Variants in CPSF7 observed in about 807,000 individuals in gnomAD.
The protein encoded by CPSF7 is cleavage and polyadenylation specific factor 7.
Under a neutral mutation model 44.3 loss-of-function variants are expected in CPSF7, and 1 was observed. The ratio of observed to expected loss-of-function variants is 0.02; its 90% CI spans 0.01 to 0.11. The LOEUF is 0.11. Ranked by LOEUF, CPSF7 falls within the 10% of genes least tolerant of loss-of-function variation. The pLI is 1.00. For synonymous variants in CPSF7, 202 were observed against 222.0 expected (o/e 0.91, Z 0.80); for missense variants, 443 against 607.2 (o/e 0.73, Z 2.84).
intron 2 of CPSF7, among the ~76,000 whole-genome samples, chr11:61,422,585 G>C (rs1414185449): frequency 6.6e-6 from 1 of 152,128 alleles, no homozygotes; most frequent in South Asian, 2.1e-4. Flanking sequence ...CCAAAGTGCC[G>C]GGATTACAGG....
intron 7 of CPSF7, among the ~76,000 whole-genome samples, chr11:61,412,197 A>G (rs922056849): frequency 1.3e-5 from 2 of 152,102 alleles, no homozygotes; most frequent in Non-Finnish European, 2.9e-5. Flanking sequence ...AAAATAAACA[A>G]TGTGCATATT....
intron 2 of CPSF7, chr11:61,426,728 T>C (rs1038038744): frequency 2.6e-5 from 4 of 152,136 alleles, no homozygotes; most frequent in Non-Finnish European, 4.4e-5. Context: ...GGAAAAGCTT[T>C]TCATTAATAA....
Position 61,419,955 on chromosome 11 carries a change from G to C in CPSF7, c.517C>G (p.Arg173Gly). ...QNLSQFEAQA[R>G]KRIPPRAHSR... ...GGGACTCGGACACACTCACGTTTCCGAGCCTGTGCCTCAAACTGTGACAGG... is the reference window on the plus strand; with the variant it reads ...GGGACTCGGACACACTCACGTTTCCCAGCCTGTGCCTCAAACTGTGACAGG... Residue 173 changes from arginine (R) to glycine (G), a missense_variant, in exon 5 of 10, where the codon CGG becomes GGG. By Grantham distance (125) the Arg-to-Gly change is moderately radical. Transcript: ENST00000439958. 1 of 1,613,410 alleles carries C rather than the reference G, an allele frequency of 6.2e-7. No homozygotes were observed. Among genetic ancestry groups the C allele is most frequent in the Non-Finnish European group, 8.5e-7 (1 of 1,179,876 alleles).
At chr11:61,428,998 A>T (rs1861662285) in intron 2 of CPSF7, 184 bp downstream of exon 2, 1 of 448,082 alleles carries the variant, frequency 2.2e-6, no homozygotes, top group Non-Finnish European at 4.0e-6. Flanking sequence ...TTAAGCCTGG[A>T]GCTTCAAATT....
At chr11:61,428,733 G>C (rs372932449) in intron 2 of CPSF7, among the ~76,000 whole-genome samples, 5 of 152,234 alleles carry the variant, frequency 3.3e-5, no homozygotes, top group Admixed American at 3.3e-4. Context: ...GAAACTAAAT[G>C]TTAAAGTCAT....
At position 61,429,850 on chromosome 11, in the gene CPSF7, G is replaced by A. The variant is rs1861795579; in HGVS notation, c.-56+64C>T. Reference sequence around the variant, plus strand: ...TCCCATCTCAACCGACCCCCTTCCCGCCTCAGTGCCGGCCCGGACCCCTCT... The same window carrying A: ...TCCCATCTCAACCGACCCCCTTCCCACCTCAGTGCCGGCCCGGACCCCTCT... On this transcript the variant is annotated intron_variant, in intron 1 of 9. Coordinates refer to ENST00000439958, the MANE Select transcript of CPSF7 (RefSeq NM_001142565.3). 6 of 1,542,792 alleles carry A rather than the reference G, an allele frequency of 3.9e-6. No individual in the cohort carries two copies. In the East Asian group the frequency reaches 1.5e-4, roughly 38 times the overall value.
intron 2 of CPSF7, among the ~76,000 whole-genome samples, chr11:61,423,008 C>T (rs1250444635): frequency 6.9e-6 from 1 of 144,680 alleles, no homozygotes; most frequent in Non-Finnish European, 1.5e-5. Context: ...TGGCACACAT[C>T]TATAGTCCCA....
At chr11:61,405,224 G>C (rs188703554) in intron 9 of CPSF7, among the ~76,000 whole-genome samples, 1 of 152,274 alleles carries the variant, frequency 6.6e-6, no homozygotes, top group East Asian at 1.9e-4. Context: ...GGCCCTAGCA[G>C]GCAGGATGCA....
intron 7 of CPSF7, among the ~76,000 whole-genome samples, chr11:61,414,148 A>AT (rs11420964): frequency 0.85 from 112,872 of 132,632 alleles, 48,273 homozygotes; most frequent in East Asian, 0.97. Context: ...AAAAAGACTA[A>AT]TTTTTTTTTT....
chr11:61,408,283 G>A (rs898427915), intron 9 of CPSF7, among the ~76,000 whole-genome samples: 2 of 151,810 alleles, frequency 1.3e-5, no homozygotes, highest in South Asian at 2.1e-4. Context: ...GGATGGTCTC[G>A]GTCGGGATAG....
chr11:61,429,201 G>A lies in CPSF7; in HGVS notation c.35C>T (p.Ala12Val). The A allele has an allele frequency of 1.2e-6, 2 of 1,606,722 alleles. No homozygotes were observed. The highest frequency in any genetic ancestry group is 8.5e-7 in the Non-Finnish European group (1 of 1,173,466). Residue 12 changes from alanine to valine, a missense_variant, in exon 2 of 10, where the codon GCT (alanine) becomes GTT (valine). By Grantham distance (64) the Ala-to-Val change is moderately conservative (BLOSUM62 0). Coordinates refer to ENST00000439958, the MANE Select transcript of CPSF7 (RefSeq NM_001142565.3). ...CCTCACCTGGTTGAACTCCTCGTCA[G>A]CATATATATCAATCAAGTCCACTCC... ...SEGVDLIDIY[A>V]DEEFNQDPEF...
Position 61,404,317 on chromosome 11 carries a change from TGGAG to T in CPSF7, c.*389_*392del, listed in dbSNP as rs1295538713. 6.6e-6 allele frequency: 1 copy of T among 152,648 alleles called. No homozygotes were observed. Among genetic ancestry groups the T allele is most frequent in the Non-Finnish European group, 1.5e-5 (1 of 68,058 alleles). 9.5% of individuals were successfully genotyped at this position (152,648 alleles called of 1,614,324 possible). On this transcript the variant is annotated 3_prime_UTR_variant, in exon 10 of 10. Transcript: ENST00000439958. Reference sequence around the variant, plus strand: ...CCCAGTCACTCTCCTAGATCCTGCATGGAGGATCTATTTTCTTTGGGAAGGAAGT... The same window carrying T: ...CCCAGTCACTCTCCTAGATCCTGCATGATCTATTTTCTTTGGGAAGGAAGT...
intron 7 of CPSF7, among the ~76,000 whole-genome samples, chr11:61,415,195 A>C (rs1395442407): frequency 6.6e-6 from 1 of 152,248 alleles, no homozygotes; most frequent in East Asian, 1.9e-4. Flanking sequence ...CCAAGATTGC[A>C]CCACTGCACT....
rs554026678 is a variant in CPSF7 at position 61,421,021 on chromosome 11, G to A, written c.273+369C>T. The A allele has an allele frequency of 6.2e-5, 73 of 1,175,854 alleles. No homozygotes were observed. The African/African-American group carries it at 1.1e-3, about 17-fold the overall frequency. 72.8% of individuals were successfully genotyped at this position (1,175,854 alleles called of 1,614,324 possible). ...GTCACCACCTACCCCAAGTATACTA[G>A]AGTTATCAAGGTCTTTAATCCCCAT... On this transcript the variant is annotated intron_variant, in intron 3 of 9. Transcript: ENST00000439958.
chr11:61,406,152 T>A (rs1394397948), intron 9 of CPSF7: 1 of 152,220 alleles, frequency 6.6e-6, no homozygotes, highest in Admixed American at 6.5e-5. Flanking sequence ...TAGCACTGAA[T>A]TCTTAAATCT....
At chr11:61,411,696 A>G (rs1316096621) in intron 8 of CPSF7, 73 bp downstream of exon 8, 2 of 1,399,878 alleles carry the variant, frequency 1.4e-6, no homozygotes, top group Non-Finnish European at 2.0e-6. Context: ...CCTGGGCTCC[A>G]TTTGTCCCCA....
chr11:61,417,983 C>A (rs746240161), intron 5 of CPSF7, among the ~76,000 whole-genome samples: 71 of 152,160 alleles, frequency 4.7e-4, no homozygotes, highest in Non-Finnish European at 1.6e-4. Context: ...AGAAGTAGAA[C>A]GTTACCCCCA....
intron 2 of CPSF7, among the ~76,000 whole-genome samples, chr11:61,424,059 G>A (rs1565117293): frequency 6.6e-6 from 1 of 152,118 alleles, no homozygotes; most frequent in Non-Finnish European, 1.5e-5. Context: ...AAACTTTTAG[G>A]GGGCAACTTA....
chr11:61,428,904 C>G, intron 2 of CPSF7: 1 of 248,862 alleles, frequency 4.0e-6, no homozygotes, highest in South Asian at 8.6e-5. Flanking sequence ...CCACCTTTGG[C>G]TTCCTGGGGA....
Sources: allele counts gnomAD v4.1 joint callset (sites outside exome capture counted in the v4.1 genomes callset), GRCh38; gene constraint gnomAD v4.1.1; transcripts MANE v1.5; gene names NCBI Gene and HGNC (gene_info 2026-07-23, HGNC 2026-07-21).